ABCB1: variants seen among roughly 807,000 people sequenced by gnomAD.
ABCB1 encodes ATP-dependent translocase ABCB1.
A neutral mutation model predicts 142.0 loss-of-function variants in ABCB1; 69 were observed. That is an observed-to-expected ratio of 0.49 (90% CI 0.40 to 0.59). The LOEUF (loss-of-function observed/expected upper bound fraction) is 0.59, where lower values mean the gene tolerates loss of function less well. ABCB1 is among the 20% of genes least tolerant of loss of function. The pLI is 0.00. For missense variants in ABCB1, 1,326 were observed against 1,554.7 expected (o/e 0.85, Z 2.47); for synonymous variants, 532 against 539.2 (o/e 0.99, Z 0.18).
chr7:87,699,942 C>G (rs902212501), intron 1 of ABCB1, among the ~76,000 whole-genome samples: 6 of 152,000 alleles, frequency 3.9e-5, no homozygotes, highest in African/African-American at 1.4e-4. Context: ...GTAAACAACA[C>G]ATTGTATACC....
At chr7:87,624,802 G>A (rs1820346850) in intron 1 of ABCB1, among the ~76,000 whole-genome samples, 3 of 152,056 alleles carry the variant, frequency 2.0e-5, no homozygotes, top group African/African-American at 7.2e-5. Flanking sequence ...GGATAAATGA[G>A]AAAAGCCTTA....
chr7:87,694,175 A>C (rs1270155739), intron 1 of ABCB1: 4 of 354,138 alleles, frequency 1.1e-5, no homozygotes. Flanking sequence ...AATCCACACA[A>C]TATAATAACC....
At chr7:87,560,265 C>A (rs1356555730) in intron 8 of ABCB1, among the ~76,000 whole-genome samples, 1 of 152,178 alleles carries the variant, frequency 6.6e-6, no homozygotes, top group African/African-American at 2.4e-5. Flanking sequence ...ATAGATATTG[C>A]TTTCCTTTGA....
intron 7 of ABCB1, among the ~76,000 whole-genome samples, chr7:87,564,366 T>C (rs1817701068): frequency 6.6e-6 from 1 of 152,072 alleles, no homozygotes; most frequent in South Asian, 2.1e-4. Context: ...CCCCTGCTTC[T>C]GCTGCTTGAG....
rs368516878 is a variant in ABCB1, at chr7:87,563,003, C to G, written c.703-1616G>C. ...GTCATGATGCAGAACAATTCAGTCA[C>G]AAGGATCCCATCAGAGAATATTATG... is the stretch of plus-strand genomic sequence containing the variant. On this transcript the variant is annotated intron_variant, in intron 7 of 27. Transcript: ENST00000622132. Among the ~76,000 whole-genome samples the G allele has an allele frequency of 2.0e-5, 3 of 152,112 alleles. No homozygotes were observed. In the South Asian group the frequency reaches 6.2e-4, roughly 32 times the overall value.
At chr7:87,616,120 T>A (rs1181282659) in intron 1 of ABCB1, among the ~76,000 whole-genome samples, 1 of 152,234 alleles carries the variant, frequency 6.6e-6, no homozygotes, top group African/African-American at 2.4e-5. Context: ...AATAAGCATC[T>A]ACCTTCTAAA....
At chr7:87,575,424 G>A (rs1333767146) in intron 4 of ABCB1, among the ~76,000 whole-genome samples, 3 of 151,924 alleles carry the variant, frequency 2.0e-5, no homozygotes, top group Non-Finnish European at 4.4e-5. Flanking sequence ...TAATATCATC[G>A]GATTTCTGTT....
rs200519094 is a variant in ABCB1 at position 87,504,037 on chromosome 7, G to A, written c.*206C>T. On this transcript the variant is annotated 3_prime_UTR_variant, in exon 28 of 28. Coordinates refer to ENST00000622132, the MANE Select transcript of ABCB1 (RefSeq NM_001348946.2). Reference sequence around the variant, plus strand: ...TTAATTCTGTTATAAAATTTATAATGCAGTTTAAACTATGATTTCTCTCCA... The same window carrying A: ...TTAATTCTGTTATAAAATTTATAATACAGTTTAAACTATGATTTCTCTCCA... 7 of 612,934 alleles carry A rather than the reference G, an allele frequency of 1.1e-5. No individual in the cohort carries two copies. Among genetic ancestry groups the A allele is most frequent in the Non-Finnish European group, 1.7e-5 (6 of 353,824 alleles). The allele number at this position is 612,934 out of a possible 1,614,324, so 38.0% of individuals were successfully genotyped here. A position where few individuals can be genotyped will look rare whatever the true frequency, so the allele number is the denominator to read the frequency against.
intron 2 of ABCB1, 80 bp downstream of exon 2, chr7:87,600,037 T>C: frequency 7.6e-7 from 1 of 1,318,294 alleles, no homozygotes. Context: ...ACATGTCATT[T>C]ATTTCAGAGC....
intron 4 of ABCB1, among the ~76,000 whole-genome samples, chr7:87,577,864 C>T (rs941788782): frequency 6.6e-6 from 1 of 152,130 alleles, no homozygotes; most frequent in Non-Finnish European, 1.5e-5. Flanking sequence ...TCCCATTTTG[C>T]AGGTTGTCTC....
At chr7:87,526,798 G>A (rs1373282496) in intron 21 of ABCB1, among the ~76,000 whole-genome samples, 1 of 152,066 alleles carries the variant, frequency 6.6e-6, no homozygotes, top group Non-Finnish European at 1.5e-5. Flanking sequence ...CCAAAATACT[G>A]GCAGCTGAGG....
chr7:87,700,426 G>C, intron 1 of ABCB1: 1 of 1,601,110 alleles, frequency 6.2e-7, no homozygotes, highest in Non-Finnish European at 8.5e-7. Context: ...TGAAGGTCAA[G>C]TAACCTGGTT....
intron 20 of ABCB1, among the ~76,000 whole-genome samples, chr7:87,532,592 T>TA (rs1291481426): frequency 2.6e-5 from 4 of 152,186 alleles, no homozygotes; most frequent in African/African-American, 9.7e-5. Flanking sequence ...CTATATGGTC[T>TA]AAAAATGGGA....
chr7:87,541,533 C>T, intron 17 of ABCB1, 69 bp from the exon 18 acceptor site: 1 of 1,069,988 alleles, frequency 9.3e-7, no homozygotes, highest in Admixed American at 1.7e-5. Flanking sequence ...TGACCCATTT[C>T]CCATCTGGCC....
At chr7:87,543,273 GA>G (rs1238647079) in intron 17 of ABCB1, among the ~76,000 whole-genome samples, 1 of 152,118 alleles carries the variant, frequency 6.6e-6, no homozygotes, top group Non-Finnish European at 1.5e-5. Flanking sequence ...TAGCCTGGGC[GA>G]GAGTGAGCGA....
intron 1 of ABCB1, among the ~76,000 whole-genome samples, chr7:87,613,514 C>T (rs1387137708): frequency 6.6e-6 from 1 of 151,944 alleles, no homozygotes; most frequent in East Asian, 1.9e-4. Flanking sequence ...ACATATACGC[C>T]ATGGAATACT....
At chr7:87,677,320 A>T (rs1247641204) in intron 1 of ABCB1, among the ~76,000 whole-genome samples, 1 of 150,226 alleles carries the variant, frequency 6.7e-6, no homozygotes, top group Non-Finnish European at 1.5e-5. Flanking sequence ...CCACAATGGA[A>T]TACCATTTCA....
At chr7:87,534,224 A>AGGAT (rs1816182416) in intron 20 of ABCB1, among the ~76,000 whole-genome samples, 1 of 152,220 alleles carries the variant, frequency 6.6e-6, no homozygotes, top group Non-Finnish European at 1.5e-5. Context: ...AGTTGCCTCC[A>AGGAT]GGATTGTGTC....
chr7:87,558,224 T>C (rs1012732576), intron 8 of ABCB1, among the ~76,000 whole-genome samples: 6 of 152,220 alleles, frequency 3.9e-5, no homozygotes, highest in Non-Finnish European at 5.9e-5. Flanking sequence ...CCTGATAGAA[T>C]TGGACTTCAA....
Sources: gnomAD v4.1 joint callset for allele counts (sites outside exome capture counted in the v4.1 genomes callset) on GRCh38, gnomAD v4.1.1 for gene constraint, MANE v1.5 for transcripts, NCBI Gene and HGNC (gene_info 2026-07-23, HGNC 2026-07-21) for gene names.